The following DNAH7 variants were observed in gnomAD, a reference collection of about 807,000 sequenced individuals.
DNAH7 encodes the protein axonemal beta dynein heavy chain 7.
In DNAH7, 397 loss-of-function variants were observed where a neutral mutation model predicts 444.6. The ratio of observed to expected loss-of-function variants is 0.89; its 90% CI spans 0.82 to 0.97. The LOEUF (loss-of-function observed/expected upper bound fraction) is 0.97. Among genes scored for constraint, DNAH7 ranks in the 50% least tolerant of loss-of-function variants. The pLI, the probability that DNAH7 is intolerant of heterozygous loss-of-function variation, is 0.00. For synonymous variants in DNAH7, 1,636 were observed against 1,624.4 expected (o/e 1.01, Z -0.17); for missense variants, 4,902 against 4,800.8 (o/e 1.02, Z -0.62).
intron 27 of DNAH7, 36 bp from the exon 28 acceptor site, chr2:195,900,530 A>G (rs764639246): frequency 6.3e-7 from 1 of 1,581,346 alleles, no homozygotes; most frequent in Non-Finnish European, 8.7e-7. Flanking sequence ...TAAAAGGATC[A>G]TCATAAAATA....
rs1693989692 is a variant in DNAH7 at position 196,000,856 on chromosome 2, C to A, written c.1201G>T (p.Gly401Cys). The A allele has an allele frequency of 6.3e-7, 1 of 1,582,832 alleles. No individual in the cohort carries two copies. The highest frequency in any genetic ancestry group is 1.4e-5 in the African/African-American group (1 of 73,442). Residue 401 changes from glycine (G) to cysteine (C), a missense_variant, in exon 12 of 65, where the codon GGT becomes TGT. Gly to Cys is a radical substitution (Grantham distance 159). Transcript: ENST00000312428. The part of the protein sequence containing the change: ...PDSVRAFEHP[G>C]FIMRLILDND... The stretch of plus-strand genomic sequence containing the variant: ...TCAAGAATCAGCCTCATGATGAAAC[C>A]TGGATGTTCAAAAGCTCTAACAGAA...
chr2:195,889,682 T>C (rs1701908393), intron 31 of DNAH7, among the ~76,000 whole-genome samples: 1 of 152,164 alleles, frequency 6.6e-6, no homozygotes, highest in South Asian at 2.1e-4. Flanking sequence ...GTAAAAAATA[T>C]CTACTTTCTA....
intron 1 of DNAH7, among the ~76,000 whole-genome samples, chr2:196,067,060 A>G (rs2125910157): frequency 6.6e-6 from 1 of 152,348 alleles, no homozygotes; most frequent in South Asian, 2.1e-4. Flanking sequence ...CTCTTCAATA[A>G]ATCACAACCT....
chr2:195,907,615 C>T (rs1020581057), intron 25 of DNAH7, among the ~76,000 whole-genome samples: 1 of 152,090 alleles, frequency 6.6e-6, no homozygotes, highest in African/African-American at 2.4e-5. Flanking sequence ...TGTGTGTGTG[C>T]ATGCAAGCAC....
intron 28 of DNAH7, 83 bp from the exon 29 acceptor site, chr2:195,897,848 C>T (rs1445400556): frequency 3.0e-6 from 2 of 660,804 alleles, no homozygotes; most frequent in African/African-American, 3.7e-5. Context: ...ACACACAAAC[C>T]TACAGACCCT....
At chr2:195,888,570 C>A in intron 32 of DNAH7, 136 bp from the exon 33 acceptor site, 1 of 1,038,854 alleles carries the variant, frequency 9.6e-7, no homozygotes, top group South Asian at 1.9e-5. Flanking sequence ...TTCATGATGT[C>A]GATTTTTGTG....
At chr2:195,757,767 CT>C (rs753363325) in intron 61 of DNAH7, among the ~76,000 whole-genome samples, 16 of 152,204 alleles carry the variant, frequency 1.1e-4, no homozygotes, top group Admixed American at 3.3e-4. Context: ...CAGACATACA[CT>C]GCACAATACC....
At chr2:195,904,260 C>G (rs1686880327) in intron 27 of DNAH7, 1 of 152,338 alleles carries the variant, frequency 6.6e-6, no homozygotes, top group Non-Finnish European at 1.5e-5. Flanking sequence ...CCAGGGACTT[C>G]ACCCAGAAGG....
At chr2:195,838,200 A>C (rs1279686499) in intron 47 of DNAH7, among the ~76,000 whole-genome samples, 1 of 152,124 alleles carries the variant, frequency 6.6e-6, no homozygotes, top group Non-Finnish European at 1.5e-5. Flanking sequence ...AAGAATTGTG[A>C]TCTAAACTTA....
At chr2:195,972,523 C>T in intron 15 of DNAH7, 57 bp from the exon 16 acceptor site, 2 of 1,329,874 alleles carry the variant, frequency 1.5e-6, no homozygotes, top group East Asian at 2.3e-5. Context: ...TGTCACGAAA[C>T]AGCCTGCGGA....
At chr2:195,835,381 C>CAAAAAAAAAAAAAAAAAAGAAAAAAAAA (rs1698309287) in intron 47 of DNAH7, among the ~76,000 whole-genome samples, 1 of 113,056 alleles carries the variant, frequency 8.8e-6, no homozygotes. Flanking sequence ...GTGACTGAGG[C>CAAAAAAAAAAAAAAAAAAGAAAAAAAAA]AAAAAAAAAA....
At chr2:196,016,806 A>C (rs1298360110) in intron 9 of DNAH7, among the ~76,000 whole-genome samples, 1 of 152,176 alleles carries the variant, frequency 6.6e-6, no homozygotes. Context: ...ATTGGAGTGA[A>C]ACTTCATGCC....
At chr2:196,002,879 G>A (rs141468939) in intron 10 of DNAH7, among the ~76,000 whole-genome samples, 57 of 151,930 alleles carry the variant, frequency 3.8e-4, no homozygotes, top group Non-Finnish European at 6.9e-4. Flanking sequence ...GTGGTGGTGA[G>A]TGCCTGTAAT....
rs1299728310 is a variant in DNAH7, at chr2:195,834,341, G to A, written c.8965C>T (p.Leu2989=). The A allele has an allele frequency of 1.3e-6, 2 of 1,596,654 alleles. No individual in the cohort carries two copies. Among genetic ancestry groups the A allele is most frequent in the Non-Finnish European group, 1.7e-6 (2 of 1,166,984 alleles). ...GCCTGACTTTGAGGATCTATCATCAGAGGCCACCTTCTTGCATTCCTGAAA... is the reference window on the plus strand; with the variant it reads ...GCCTGACTTTGAGGATCTATCATCAAAGGCCACCTTCTTGCATTCCTGAAA... ...IIIMNARRWP[L]MIDPQSQANK... The change falls in exon 48 of 65, where the codon CTG becomes TTG. Residue 2989 remains leucine (L), a synonymous_variant. Transcript: ENST00000312428.
chr2:195,871,932 A>G (rs1372760527), intron 40 of DNAH7, among the ~76,000 whole-genome samples: 1 of 65,702 alleles, frequency 1.5e-5, no homozygotes, highest in African/African-American at 2.0e-4. Flanking sequence ...CTCCGTCTCA[A>G]AAAAAAAAAA....
At chr2:196,068,251 A>C in intron 1 of DNAH7, 1 of 187,036 alleles carries the variant, frequency 5.3e-6, no homozygotes, top group Non-Finnish European at 1.1e-5. Flanking sequence ...AGTTGTTCTG[A>C]TGTTTCCCCC....
intron 48 of DNAH7, among the ~76,000 whole-genome samples, chr2:195,826,068 TG>T (rs1697731037): frequency 6.6e-6 from 1 of 152,234 alleles, no homozygotes; most frequent in Admixed American, 6.5e-5. Flanking sequence ...TTGTTTAGAT[TG>T]CTTCTACTTT....
chr2:195,738,200 A>G (rs910758038), intron 64 of DNAH7, 73 bp from the exon 65 acceptor site: 2 of 1,347,116 alleles, frequency 1.5e-6, no homozygotes, highest in Non-Finnish European at 2.1e-6. Context: ...AGCCTACTAT[A>G]GTATTCTCAG....
Position 195,864,868 on chromosome 2 carries a change from C to G in DNAH7, c.6787G>C (p.Asp2263His). 1 of 1,614,088 alleles carries G rather than the reference C, an allele frequency of 6.2e-7. No homozygotes were observed. The highest frequency in any genetic ancestry group is 1.1e-5 in the South Asian group (1 of 91,076). The change falls in exon 41 of 65, where the codon GAT (aspartate) becomes CAT (histidine). Residue 2263 changes from aspartate to histidine, a missense_variant. Asp to His is a moderately conservative substitution (Grantham distance 81). Coordinates refer to ENST00000312428, the MANE Select transcript of DNAH7 (RefSeq NM_018897.3). Reference protein sequence around the residue: ...DFDNDGMVEADDLRSLMFCDF... With the variant: ...DFDNDGMVEAHDLRSLMFCDF... ...CAAAACATTAAGCTGCGTAAGTCAT[C>G]TGCTTCCACCATGCCATCATTATCA...
Sources: allele counts gnomAD v4.1 joint callset (sites outside exome capture counted in the v4.1 genomes callset), GRCh38; gene constraint gnomAD v4.1.1; transcripts MANE v1.5; gene names NCBI Gene and HGNC (gene_info 2026-07-23, HGNC 2026-07-21).